The following L3MBTL4 variants were observed in gnomAD, a reference collection of about 807,000 sequenced individuals.
The protein encoded by L3MBTL4 is lethal(3)malignant brain tumor-like protein 4.
A neutral mutation model predicts 84.5 loss-of-function variants in L3MBTL4; 70 were observed. The observed-to-expected ratio is 0.83, with a 90% CI of 0.68 to 1.01. The LOEUF is 1.01. Ranked by LOEUF, L3MBTL4 falls within the 50% of genes least tolerant of loss-of-function variation. The pLI is 0.00. For missense variants in L3MBTL4, 715 were observed against 754.8 expected, an observed-to-expected ratio of 0.95 and a Z score of 0.62; for synonymous variants, 274 against 259.8, an observed-to-expected ratio of 1.05 and a Z score of -0.52.
In L3MBTL4 at chr18:6,191,014, G is replaced by T. The variant is rs61363879; in HGVS notation, c.982-19072C>A. On this transcript the variant is annotated intron_variant, in intron 12 of 18. Coordinates refer to ENST00000317931, the MANE Select transcript of L3MBTL4 (RefSeq NM_001330559.2). Reference sequence around the variant, plus strand: ...AGTTAAGGTCAGAGGGGGAACACAGGTACAGTATGAGGTAGGGTCTTATGG... The same window carrying T: ...AGTTAAGGTCAGAGGGGGAACACAGTTACAGTATGAGGTAGGGTCTTATGG... Among the ~76,000 whole-genome samples the T allele has an allele frequency of 1.6e-4, 24 of 152,274 alleles. No individual in the cohort carries two copies. In the East Asian group the frequency reaches 4.4e-3, roughly 28 times the overall value.
chr18:6,252,838 T>C lies in L3MBTL4; in HGVS notation c.220-8250A>G, dbSNP rs2047982747. 2.0e-5 allele frequency among the ~76,000 whole-genome samples: 3 copies of C among 152,386 alleles called. No homozygotes were observed. In the South Asian group the frequency reaches 6.2e-4, roughly 32 times the overall value. ...TAGAAGTAGAAGACGTTAAAAAGGC[T>C]TTAAGTATCTGTCAATTATTAAGAA... On this transcript the variant is annotated intron_variant, in intron 5 of 18. Coordinates refer to ENST00000317931, the MANE Select transcript of L3MBTL4 (RefSeq NM_001330559.2).
chr18:6,180,779 AT>A lies in L3MBTL4; in HGVS notation c.982-8838del, dbSNP rs1471620707. On this transcript the variant is annotated intron_variant, in intron 12 of 18. Coordinates refer to ENST00000317931, the MANE Select transcript of L3MBTL4 (RefSeq NM_001330559.2). ...GTCAAGAATGAAGGTCAAAATCTGT[AT>A]TTTTTAACCACAAACCCTAGATTAT... is the stretch of plus-strand genomic sequence containing the variant. Among the ~76,000 whole-genome samples, 3 of 152,272 alleles carry A rather than the reference AT, an allele frequency of 2.0e-5. No individual in the cohort carries two copies. The East Asian group carries it at 5.8e-4, about 29-fold the overall frequency.
At chr18:5,990,144 G>A (rs1287112830) in intron 16 of L3MBTL4, among the ~76,000 whole-genome samples, 2 of 152,232 alleles carry the variant, frequency 1.3e-5, no homozygotes, top group Non-Finnish European at 2.9e-5. Context: ...AGGCCTTTGG[G>A]CAGGGAAGTA....
intron 14 of L3MBTL4, among the ~76,000 whole-genome samples, chr18:6,111,106 G>A (rs1022693554): frequency 2.6e-5 from 4 of 152,124 alleles, no homozygotes; most frequent in African/African-American, 9.7e-5. Context: ...AAGCAAGCAG[G>A]AAGAGAAGGA....
intron 16 of L3MBTL4, among the ~76,000 whole-genome samples, chr18:6,014,982 G>A (rs1429358330): frequency 6.6e-6 from 1 of 151,040 alleles, no homozygotes; most frequent in South Asian, 2.1e-4. Flanking sequence ...GAAGTGGGGT[G>A]GATATAAGGG....
intron 16 of L3MBTL4, among the ~76,000 whole-genome samples, chr18:5,996,639 T>A (rs2053985210): frequency 6.6e-6 from 1 of 152,150 alleles, no homozygotes; most frequent in African/African-American, 2.4e-5. Context: ...GGGAAAAGAC[T>A]GGGCCTGACC....
intron 1 of L3MBTL4, among the ~76,000 whole-genome samples, chr18:6,330,133 T>G (rs1277231570): frequency 6.6e-6 from 1 of 152,240 alleles, no homozygotes; most frequent in East Asian, 1.9e-4. Context: ...TCTACTATAC[T>G]TATTTTGCTG....
At chr18:6,277,308 C>T (rs2049127904) in intron 4 of L3MBTL4, among the ~76,000 whole-genome samples, 1 of 152,120 alleles carries the variant, frequency 6.6e-6, no homozygotes, top group African/African-American at 2.4e-5. Flanking sequence ...TCTTATAAAA[C>T]ATTTTCTAAG....
At chr18:6,340,582 G>C (rs1387870135) in intron 1 of L3MBTL4, among the ~76,000 whole-genome samples, 1 of 152,142 alleles carries the variant, frequency 6.6e-6, no homozygotes, top group Non-Finnish European at 1.5e-5. Flanking sequence ...GCATGGCAAA[G>C]GGGCAGGGGC....
intron 16 of L3MBTL4, among the ~76,000 whole-genome samples, chr18:6,027,655 A>C (rs946003326): frequency 3.3e-5 from 5 of 152,338 alleles, no homozygotes; most frequent in African/African-American, 9.6e-5. Flanking sequence ...TCCCACCAAC[A>C]GTGTAAAAAC....
chr18:6,233,400 T>C (rs2047079918), intron 10 of L3MBTL4, among the ~76,000 whole-genome samples: 1 of 149,806 alleles, frequency 6.7e-6, no homozygotes, highest in African/African-American at 2.6e-5. Flanking sequence ...GCAGATGACG[T>C]GATTGTATAT....
chr18:6,073,008 G>C (rs1568070299), intron 16 of L3MBTL4, among the ~76,000 whole-genome samples: 2 of 146,810 alleles, frequency 1.4e-5, no homozygotes, highest in South Asian at 2.2e-4. Flanking sequence ...AAGCCAAAGA[G>C]AGTGGAAGGC....
chr18:6,324,604 G>A (rs2051615450), intron 1 of L3MBTL4, among the ~76,000 whole-genome samples: 1 of 152,194 alleles, frequency 6.6e-6, no homozygotes, highest in South Asian at 2.1e-4. Context: ...TCAGCTCATG[G>A]CACTGCAGTT....
intron 16 of L3MBTL4, among the ~76,000 whole-genome samples, chr18:5,981,684 T>C (rs2053225654): frequency 6.6e-6 from 1 of 151,318 alleles, no homozygotes. Flanking sequence ...CCTTGGTGGC[T>C]CCTGCTTGTA....
At chr18:6,209,435 A>G (rs1469768618) in intron 12 of L3MBTL4, among the ~76,000 whole-genome samples, 3 of 134,672 alleles carry the variant, frequency 2.2e-5, no homozygotes, top group Admixed American at 7.5e-5. Context: ...CATAAGGCCC[A>G]CTAAACTGGC....
intron 14 of L3MBTL4, among the ~76,000 whole-genome samples, chr18:6,134,243 C>T (rs978283612): frequency 6.6e-6 from 1 of 152,082 alleles, no homozygotes; most frequent in Non-Finnish European, 1.5e-5. Context: ...AATTACTTCC[C>T]CCTGGGTCCT....
At chr18:6,005,335 GAC>G (rs2054424850) in intron 16 of L3MBTL4, among the ~76,000 whole-genome samples, 1 of 69,386 alleles carries the variant, frequency 1.4e-5, no homozygotes, top group African/African-American at 4.9e-5. Flanking sequence ...GACACAGTGA[GAC>G]ACTGTCTCAC....
chr18:6,094,894 C>G lies in L3MBTL4; in HGVS notation c.1200-1366G>C, dbSNP rs1296928815. Among the ~76,000 whole-genome samples the G allele has an allele frequency of 2.0e-5, 3 of 152,090 alleles. No individual in the cohort carries two copies. The East Asian group carries it at 5.8e-4, about 29-fold the overall frequency. On this transcript the variant is annotated intron_variant, in intron 14 of 18. Coordinates refer to ENST00000317931, the MANE Select transcript of L3MBTL4 (RefSeq NM_001330559.2). ...GCATGATCTATACCTGTATCAGCAACCTTTGCTACAGAGAGAAGGGCGCCT... is the reference window on the plus strand; with the variant it reads ...GCATGATCTATACCTGTATCAGCAAGCTTTGCTACAGAGAGAAGGGCGCCT...
chr18:6,223,227 C>T (rs778697426), intron 10 of L3MBTL4, among the ~76,000 whole-genome samples: 1 of 152,110 alleles, frequency 6.6e-6, no homozygotes, highest in East Asian at 1.9e-4. Flanking sequence ...ATTCAGCCAA[C>T]AGGTTTGAAT....
Sources: gnomAD v4.1 joint callset for allele counts (sites outside exome capture counted in the v4.1 genomes callset) on GRCh38, gnomAD v4.1.1 for gene constraint, MANE v1.5 for transcripts, NCBI Gene and HGNC (gene_info 2026-07-23, HGNC 2026-07-21) for gene names.